LMNB1: variants seen among roughly 807,000 people sequenced by gnomAD.
LMNB1 encodes lamin B1.
LMNB1 carries 23 observed loss-of-function variants against 67.1 expected under a neutral mutation model. The observed-to-expected ratio is 0.34, with a 90% CI of 0.25 to 0.49. LMNB1 has a LOEUF of 0.49. LMNB1 is among the 20% of genes least tolerant of loss of function. The probability of loss-of-function intolerance (pLI) is 0.99; values close to 1 mark genes in which losing one functional copy is unlikely to be tolerated. For synonymous variants in LMNB1, 281 were observed against 282.9 expected, an observed-to-expected ratio of 0.99 and a Z score of 0.07; for missense variants, 634 against 746.5, an observed-to-expected ratio of 0.85 and a Z score of 1.76.
At chr5:126,802,832 G>A (rs1751319399) in intron 1 of LMNB1, among the ~76,000 whole-genome samples, 1 of 151,974 alleles carries the variant, frequency 6.6e-6, no homozygotes, top group South Asian at 2.1e-4. Context: ...ATAATTATTG[G>A]GCAAAATATA....
At chr5:126,802,954 G>A (rs1212038787) in intron 1 of LMNB1, among the ~76,000 whole-genome samples, 5 of 151,984 alleles carry the variant, frequency 3.3e-5, no homozygotes, top group African/African-American at 1.2e-4. Context: ...GGAAGCTGAG[G>A]CTGGCAGATC....
intron 1 of LMNB1, among the ~76,000 whole-genome samples, chr5:126,795,710 G>GC (rs1029791490): frequency 2.2e-4 from 34 of 151,276 alleles, no homozygotes; most frequent in Admixed American, 4.0e-4. Flanking sequence ...AGCAACCTCT[G>GC]CCCCCCCGGG....
intron 9 of LMNB1, among the ~76,000 whole-genome samples, chr5:126,828,656 A>G (rs554016709): frequency 1.3e-5 from 2 of 150,534 alleles, no homozygotes; most frequent in East Asian, 3.9e-4. Flanking sequence ...ATCTCGGCTC[A>G]CTGCAACCTC....
chr5:126,836,441 G>T lies in LMNB1; in HGVS notation c.*177G>T, dbSNP rs1182617540. ...CTGAAAGTTTTGTAAAAGAAATCAT[G>T]TCCATACACTTTGTTGCAAGATGTG... On this transcript the variant is annotated 3_prime_UTR_variant, in exon 11 of 11. Transcript: ENST00000261366. 3.4e-5 allele frequency: 18 copies of T among 528,140 alleles called. No homozygotes were observed. The Middle Eastern group carries it at 1.9e-3, about 57-fold the overall frequency. 32.7% of individuals were successfully genotyped at this position (528,140 alleles called of 1,614,324 possible).
intron 6 of LMNB1, 86 bp from the exon 7 acceptor site, chr5:126,820,824 A>G: frequency 9.5e-7 from 1 of 1,048,120 alleles, no homozygotes; most frequent in East Asian, 2.6e-5. Context: ...CTCTGTGCCC[A>G]GCCCTTGTTT....
At chr5:126,815,713 A>G (rs559541277) in intron 5 of LMNB1, among the ~76,000 whole-genome samples, 1 of 152,304 alleles carries the variant, frequency 6.6e-6, no homozygotes, top group East Asian at 1.9e-4. Flanking sequence ...TTATAGCCTC[A>G]TAGGTAGTTT....
rs192557327 is a variant in LMNB1, at chr5:126,832,100, T to C, written c.1612-594T>C. On this transcript the variant is annotated intron_variant, in intron 9 of 10. Transcript: ENST00000261366. Reference sequence around the variant, plus strand: ...GGCCAACGTGGCAAAACCCCATCTCTACTAAAAATGTATAAAAATTAGCCG... The same window carrying C: ...GGCCAACGTGGCAAAACCCCATCTCCACTAAAAATGTATAAAAATTAGCCG... Among the ~76,000 whole-genome samples, 225 of 152,190 alleles carry C rather than the reference T, an allele frequency of 1.5e-3. 2 individuals are homozygous for C. Among genetic ancestry groups the C allele is most frequent in the African/African-American group, 5.3e-3 (218 of 41,522 alleles).
chr5:126,787,546 A>ATATATATATATATATTTTTT, intron 1 of LMNB1, among the ~76,000 whole-genome samples: 4 of 65,572 alleles, frequency 6.1e-5, no homozygotes, highest in African/African-American at 2.0e-4. Flanking sequence ...ATATATATAT[A>ATATATATATATATATTTTTT]TTTTTTTTTT....
chr5:126,829,696 A>T (rs1230699097), intron 9 of LMNB1, among the ~76,000 whole-genome samples: 1 of 152,024 alleles, frequency 6.6e-6, no homozygotes, highest in Non-Finnish European at 1.5e-5. Context: ...TGAGGCACCC[A>T]TCCTGGGCTT....
intron 10 of LMNB1, 138 bp downstream of exon 10, chr5:126,832,939 C>A: frequency 2.1e-6 from 1 of 487,776 alleles, no homozygotes; most frequent in East Asian, 3.5e-5. Flanking sequence ...TTGTACTCCC[C>A]AAAGGGATAT....
At chr5:126,826,627 C>G (rs373733530) in intron 9 of LMNB1, among the ~76,000 whole-genome samples, 2 of 152,092 alleles carry the variant, frequency 1.3e-5, no homozygotes, top group East Asian at 1.9e-4. Context: ...GTCTTAGAAT[C>G]CTTGTCAAAG....
intron 10 of LMNB1, among the ~76,000 whole-genome samples, chr5:126,834,939 A>T (rs540584216): frequency 6.6e-6 from 1 of 152,316 alleles, no homozygotes; most frequent in South Asian, 2.1e-4. Flanking sequence ...GGTTCATGTG[A>T]GAGTTAAATG....
At chr5:126,807,853 G>GTTTTGTTGTTGT (rs1751485603) in intron 3 of LMNB1, among the ~76,000 whole-genome samples, 1 of 145,348 alleles carries the variant, frequency 6.9e-6, no homozygotes, top group East Asian at 2.0e-4. Context: ...GTCCTCTTCA[G>GTTTTGTTGTTGT]TTTTGTTTTT....
chr5:126,824,934 C>T (rs1459472727), intron 8 of LMNB1, among the ~76,000 whole-genome samples: 1 of 145,108 alleles, frequency 6.9e-6, no homozygotes, highest in Non-Finnish European at 1.5e-5. Context: ...GTGATCTGCC[C>T]GCCTCGGCCT....
chr5:126,836,157 GT>G, intron 10 of LMNB1, 65 bp from the exon 11 acceptor site: 1 of 1,262,504 alleles, frequency 7.9e-7, no homozygotes, highest in East Asian at 2.3e-5. Flanking sequence ...AAAAGTTTTT[GT>G]CTTATTTTAG....
At chr5:126,812,009 A>G in intron 5 of LMNB1, 111 bp downstream of exon 5, 2 of 1,075,922 alleles carry the variant, frequency 1.9e-6, no homozygotes, top group Non-Finnish European at 2.7e-6. Flanking sequence ...GTTACAGAGG[A>G]TGGTGTCATC....
chr5:126,783,817 C>T (rs982871745), intron 1 of LMNB1, among the ~76,000 whole-genome samples: 14 of 152,042 alleles, frequency 9.2e-5, no homozygotes, highest in African/African-American at 3.1e-4. Context: ...TAGAAATCTT[C>T]AGACTTTTTT....
chr5:126,824,385 A>G (rs1751940857), intron 8 of LMNB1, among the ~76,000 whole-genome samples: 1 of 152,066 alleles, frequency 6.6e-6, no homozygotes, highest in Non-Finnish European at 1.5e-5. Flanking sequence ...ATATTTTTAC[A>G]TTCTTTTTTT....
Position 126,793,252 on chromosome 5 carries a change from C to CAGTCATTTAAATTA in LMNB1, c.360-11521_360-11508dup, listed in dbSNP as rs1751010800. On this transcript the variant is annotated intron_variant, in intron 1 of 10. Coordinates refer to ENST00000261366, the MANE Select transcript of LMNB1 (RefSeq NM_005573.4). The stretch of plus-strand genomic sequence containing the variant: ...TTTTTCTTTTTCTTTTTAAATGAAT[C>CAGTCATTTAAATTA]AGTCATTTAAATTAAGACTTAATCT... Among the ~76,000 whole-genome samples, 4 of 152,082 alleles carry CAGTCATTTAAATTA rather than the reference C, an allele frequency of 2.6e-5. No individual in the cohort carries two copies. The South Asian group carries it at 8.3e-4, about 32-fold the overall frequency.
Sources: allele counts gnomAD v4.1 joint callset (sites outside exome capture counted in the v4.1 genomes callset), GRCh38; gene constraint gnomAD v4.1.1; transcripts MANE v1.5; gene names NCBI Gene and HGNC (gene_info 2026-07-23, HGNC 2026-07-21).